Variants in TTLL11 observed in about 807,000 individuals in gnomAD.
The protein encoded by TTLL11 is tubulin tyrosine ligase like 11, also known as tubulin polyglutamylase TTLL11.
In TTLL11, 42 loss-of-function variants were observed where a neutral mutation model predicts 51.7. The ratio of observed to expected loss-of-function variants is 0.81; its 90% confidence interval spans 0.64 to 1.05. The LOEUF is 1.05. Among genes scored for constraint, TTLL11 ranks in the 50% least tolerant of loss-of-function variants. The probability of loss-of-function intolerance (pLI) is 0.00; values close to 1 mark genes in which losing one functional copy is unlikely to be tolerated. For synonymous variants in TTLL11, 381 were observed against 383.5 expected, an observed-to-expected ratio of 0.99 and a Z score of 0.08; for missense variants, 799 against 940.4, an observed-to-expected ratio of 0.85 and a Z score of 1.97.
At chr9:121,949,707 C>T (rs1841791587) in intron 6 of TTLL11, among the ~76,000 whole-genome samples, 1 of 151,956 alleles carries the variant, frequency 6.6e-6, no homozygotes, top group African/African-American at 2.4e-5. Flanking sequence ...CAGTGGCAGC[C>T]CTGTTCCACT....
intron 1 of TTLL11, among the ~76,000 whole-genome samples, chr9:122,048,709 C>G (rs1845081436): frequency 6.6e-6 from 1 of 152,100 alleles, no homozygotes; most frequent in African/African-American, 2.4e-5. Context: ...TATTTAGTGG[C>G]CTGGGTTTCT....
chr9:122,026,568 G>A (rs1019220443), intron 3 of TTLL11, among the ~76,000 whole-genome samples: 3 of 151,948 alleles, frequency 2.0e-5, no homozygotes, highest in Non-Finnish European at 2.9e-5. Flanking sequence ...TATATGAAAT[G>A]TATAAAACTG....
At chr9:121,888,078 C>A (rs1333492650) in intron 6 of TTLL11, among the ~76,000 whole-genome samples, 1 of 152,196 alleles carries the variant, frequency 6.6e-6, no homozygotes, top group African/African-American at 2.4e-5. Context: ...CTCTCCAGTT[C>A]CTGGCTCTAT....
At chr9:121,940,145 G>A (rs934349619) in intron 6 of TTLL11, among the ~76,000 whole-genome samples, 1 of 152,130 alleles carries the variant, frequency 6.6e-6, no homozygotes, top group African/African-American at 2.4e-5. Context: ...AGTCTCTCAA[G>A]GCTCAGCTTA....
At chr9:122,026,324 G>A (rs1466960079) in intron 3 of TTLL11, among the ~76,000 whole-genome samples, 1 of 151,834 alleles carries the variant, frequency 6.6e-6, no homozygotes, top group Non-Finnish European at 1.5e-5. Flanking sequence ...TGTAATCTCA[G>A]CTACTCAGGA....
intron 6 of TTLL11, among the ~76,000 whole-genome samples, chr9:121,933,693 A>G (rs1424511626): frequency 6.6e-6 from 1 of 151,784 alleles, no homozygotes; most frequent in Non-Finnish European, 1.5e-5. Context: ...AACAACAAAA[A>G]AAGTTAAAAA....
intron 6 of TTLL11, among the ~76,000 whole-genome samples, chr9:121,971,461 C>G (rs1187984782): frequency 3.1e-5 from 4 of 130,772 alleles, no homozygotes; most frequent in Admixed American, 7.3e-5. Flanking sequence ...GTCAGCCCCC[C>G]CGCCCGGCCA....
rs377233912 is a variant in TTLL11, at chr9:121,897,618, G to A, written c.1482-26870C>T. ...CACCTTCCCAGGCATTTCCCTCCAG[G>A]CACACACACACACACACACACACGC... is the stretch of plus-strand genomic sequence containing the variant. On this transcript the variant is annotated intron_variant, in intron 6 of 8. Transcript: ENST00000321582. 3.3e-3 allele frequency among the ~76,000 whole-genome samples: 449 copies of A among 137,012 alleles called. 4 individuals carry two copies. The highest frequency in any genetic ancestry group is 0.012 in the African/African-American group (430 of 36,642). 89.9% of individuals were successfully genotyped at this position (137,012 alleles called of 152,430 possible). A position where few individuals can be genotyped will look rare whatever the true frequency, so the allele number is the denominator to read the frequency against.
In TTLL11 at chr9:121,820,261, G is replaced by A. The variant is rs959098033; in HGVS notation, c.*2326C>T. Among the ~76,000 whole-genome samples the A allele has an allele frequency of 6.6e-6, 1 of 152,220 alleles. No homozygotes were observed. The highest frequency in any genetic ancestry group is 2.4e-5 in the African/African-American group (1 of 41,450). On this transcript the variant is annotated 3_prime_UTR_variant, in exon 9 of 9. Coordinates refer to ENST00000321582, the MANE Select transcript of TTLL11 (RefSeq NM_001139442.2). ...GGTTGGTTTTAGACCTGAACATTGC[G>A]CTCCACTTTGGCAAGCGAGTACTTT...
chr9:121,859,455 C>T (rs573470087), intron 8 of TTLL11, among the ~76,000 whole-genome samples: 1 of 152,136 alleles, frequency 6.6e-6, no homozygotes, highest in Non-Finnish European at 1.5e-5. Context: ...GAGCTGAGAT[C>T]GTGCCACTGC....
At chr9:121,941,412 T>A (rs760271607) in intron 6 of TTLL11, among the ~76,000 whole-genome samples, 1 of 152,192 alleles carries the variant, frequency 6.6e-6, no homozygotes, top group African/African-American at 2.4e-5. Context: ...GTGACAACAG[T>A]GATGACAACA....
At chr9:122,067,114 C>G (rs964642728) in intron 1 of TTLL11, among the ~76,000 whole-genome samples, 4 of 152,204 alleles carry the variant, frequency 2.6e-5, no homozygotes, top group African/African-American at 9.6e-5. Flanking sequence ...GACATCAAGA[C>G]TTGAGTTCAA....
At chr9:122,019,955 A>G (rs868344781) in intron 3 of TTLL11, among the ~76,000 whole-genome samples, 1 of 152,148 alleles carries the variant, frequency 6.6e-6, no homozygotes, top group Admixed American at 6.5e-5. Context: ...GTCACCATAT[A>G]AGATGTGCCT....
chr9:122,067,500 C>G (rs1845616917), intron 1 of TTLL11, among the ~76,000 whole-genome samples: 1 of 152,166 alleles, frequency 6.6e-6, no homozygotes, highest in Admixed American at 6.5e-5. Context: ...GGATACAAAA[C>G]TCTATGTGAG....
intron 6 of TTLL11, among the ~76,000 whole-genome samples, chr9:121,970,110 G>T (rs1564333214): frequency 6.6e-6 from 1 of 152,144 alleles, no homozygotes; most frequent in South Asian, 2.1e-4. Context: ...TGAGATGAAA[G>T]GGTTTTATAT....
At chr9:121,920,672 G>T (rs1259956770) in intron 6 of TTLL11, among the ~76,000 whole-genome samples, 1 of 152,194 alleles carries the variant, frequency 6.6e-6, no homozygotes, top group Admixed American at 6.5e-5. Flanking sequence ...GCCAAGGTAG[G>T]ATCTGTGGGC....
At chr9:121,913,242 T>TA (rs1840207449) in intron 6 of TTLL11, among the ~76,000 whole-genome samples, 1 of 152,220 alleles carries the variant, frequency 6.6e-6, no homozygotes, top group Non-Finnish European at 1.5e-5. Context: ...CATCTTGACT[T>TA]AGAGTCTTTT....
intron 3 of TTLL11, among the ~76,000 whole-genome samples, chr9:122,003,080 A>C (rs957329553): frequency 2.0e-5 from 3 of 152,178 alleles, no homozygotes; most frequent in African/African-American, 4.8e-5. Context: ...CCACAGTCTC[A>C]ACAGGACAGC....
In TTLL11 at chr9:121,890,813, C is replaced by A. The variant is rs1281042877; in HGVS notation, c.1482-20065G>T. ...AATGGGTGCATGAATGCATGAATGA[C>A]TGGCTCTTCTCTGCCTGCAGAGTGA... On this transcript the variant is annotated intron_variant, in intron 6 of 8. Transcript: ENST00000321582. This position sits in a 1 kb window ranked among gnomAD's most constrained non-coding sequence, Gnocchi z 4.3. Among the ~76,000 whole-genome samples, 1 of 152,174 alleles carries A rather than the reference C, an allele frequency of 6.6e-6. No homozygotes were observed. The highest frequency in any genetic ancestry group is 1.5e-5 in the Non-Finnish European group (1 of 68,044).
Sources: allele counts gnomAD v4.1 joint callset (sites outside exome capture counted in the v4.1 genomes callset), GRCh38; gene constraint gnomAD v4.1.1; non-coding constraint Gnocchi (gnomAD v3.1); transcripts MANE v1.5; gene names NCBI Gene and HGNC (gene_info 2026-07-23, HGNC 2026-07-21).